NPEPPS: variants seen among roughly 807,000 people sequenced by gnomAD.
NPEPPS encodes the protein puromycin-sensitive aminopeptidase.
NPEPPS carries 14 observed loss-of-function variants against 115.5 expected under a neutral mutation model. That is an observed-to-expected ratio of 0.12 (90% CI 0.08 to 0.19). The LOEUF is 0.19. Ranked by LOEUF, NPEPPS falls within the 10% of genes least tolerant of loss-of-function variation. NPEPPS has a pLI of 1.00. For synonymous variants in NPEPPS, 285 were observed against 390.6 expected (o/e 0.73, Z 3.19); for missense variants, 523 against 1,110.8 (o/e 0.47, Z 7.52).
At chr17:47,612,432 CT>C in intron 17 of NPEPPS, 27 bp from the exon 18 acceptor site, 2 of 1,611,416 alleles carry the variant, frequency 1.2e-6, no homozygotes, top group Non-Finnish European at 1.7e-6. Flanking sequence ...TTTAAGTAGT[CT>C]TATGTCTCTT....
intron 2 of NPEPPS, among the ~76,000 whole-genome samples, chr17:47,561,773 T>C (rs1326765743): frequency 6.6e-6 from 1 of 152,254 alleles, no homozygotes; most frequent in Non-Finnish European, 1.5e-5. Context: ...CTTGTCTGAT[T>C]GGAGGTCATA....
At chr17:47,530,834 G>C (rs965596359), upstream of NPEPPS, among the ~76,000 whole-genome samples, 10 of 151,866 alleles carry the variant, frequency 6.6e-5, no homozygotes, top group Non-Finnish European at 1.2e-4. Context: ...GACCAACTGC[G>C]TAGGCTTCAA....
rs1914378334 is a variant in NPEPPS at position 47,619,015 on chromosome 17, G to A, written c.2410G>A (p.Val804Ile). The A allele has an allele frequency of 6.2e-7, 1 of 1,611,852 alleles. No homozygotes were observed. The highest frequency in any genetic ancestry group is 8.5e-7 in the Non-Finnish European group (1 of 1,179,108). ...GCTCTCTTTCTTTTTTTAGGAAGAG[G>A]TACGTCCACAGGACACTGTATCGGT... ...KVLTFALSEE[V>I]RPQDTVSVIG... Residue 804 changes from valine to isoleucine, a missense_variant, in exon 21 of 23, where the codon GTA becomes ATA. Val to Ile is a conservative substitution (Grantham distance 29, BLOSUM62 3). Coordinates refer to ENST00000322157, the MANE Select transcript of NPEPPS (RefSeq NM_006310.4).
At chr17:47,597,139 A>G (rs1912930753) in intron 13 of NPEPPS, among the ~76,000 whole-genome samples, 1 of 150,836 alleles carries the variant, frequency 6.6e-6, no homozygotes, top group South Asian at 2.1e-4. Flanking sequence ...AGATGTAGAA[A>G]AAACATTTGG....
intron 19 of NPEPPS, among the ~76,000 whole-genome samples, chr17:47,614,908 C>G (rs1914092290): frequency 6.6e-6 from 1 of 152,134 alleles, no homozygotes; most frequent in South Asian, 2.1e-4. Flanking sequence ...ATCAGCTTCA[C>G]TGTAGAAATA....
rs374559750 is a variant in NPEPPS, at chr17:47,573,586, G to A, written c.418+4092G>A. 6.2e-4 allele frequency among the ~76,000 whole-genome samples: 95 copies of A among 152,322 alleles called. 1 individual carries two copies. Among genetic ancestry groups the A allele is most frequent in the Admixed American group, 6.5e-4 (10 of 15,296 alleles). On this transcript the variant is annotated intron_variant, in intron 3 of 22. Coordinates refer to ENST00000322157, the MANE Select transcript of NPEPPS (RefSeq NM_006310.4). ...AAAAATGAAGAAATAGGCCATGGTCGTGGCTCATGCCTGTAATCCCAACAC... is the reference window on the plus strand; with the variant it reads ...AAAAATGAAGAAATAGGCCATGGTCATGGCTCATGCCTGTAATCCCAACAC...
upstream of NPEPPS, among the ~76,000 whole-genome samples, chr17:47,530,781 T>C (rs1366810559): frequency 6.6e-6 from 1 of 152,186 alleles, no homozygotes; most frequent in Non-Finnish European, 1.5e-5. Flanking sequence ...GTTTGGGGTT[T>C]TGCTTGTAAC....
chr17:47,599,017 T>C (rs529189374), intron 13 of NPEPPS, among the ~76,000 whole-genome samples: 1 of 152,152 alleles, frequency 6.6e-6, no homozygotes, highest in Non-Finnish European at 1.5e-5. Flanking sequence ...AAAAATATAT[T>C]AATGAAATTA....
chr17:47,524,254 A>C (rs1907335189), intron 1 of NPEPPS, among the ~76,000 whole-genome samples: 1 of 151,380 alleles, frequency 6.6e-6, no homozygotes, highest in Non-Finnish European at 1.5e-5. Flanking sequence ...GGTTGTAGTG[A>C]GCCAAGATTG....
At chr17:47,602,889 T>A (rs1913303293) in intron 15 of NPEPPS, among the ~76,000 whole-genome samples, 1 of 152,062 alleles carries the variant, frequency 6.6e-6, no homozygotes, top group Non-Finnish European at 1.5e-5. Context: ...GATTATGTTG[T>A]AGCAATATGA....
At chr17:47,552,281 C>T (rs1263332621) in intron 2 of NPEPPS, among the ~76,000 whole-genome samples, 1 of 152,112 alleles carries the variant, frequency 6.6e-6, no homozygotes, top group Non-Finnish European at 1.5e-5. Flanking sequence ...GATTTCTATG[C>T]TTATCTGTGA....
chr17:47,599,812 A>G, intron 14 of NPEPPS, 73 bp downstream of exon 14: 1 of 1,252,150 alleles, frequency 8.0e-7, no homozygotes, highest in South Asian at 1.4e-5. Flanking sequence ...TATTCCAACT[A>G]ATAGGAAATT....
At position 47,531,206 on chromosome 17, in the gene NPEPPS, C is replaced by T. The variant is rs1396153788; in HGVS notation, c.-95C>T. 7.0e-7 allele frequency: 1 copy of T among 1,428,318 alleles called. No homozygotes were observed. Among genetic ancestry groups the T allele is most frequent in the Non-Finnish European group, 9.1e-7 (1 of 1,095,194 alleles). 88.5% of individuals were successfully genotyped at this position (1,428,318 alleles called of 1,614,324 possible). ...CCCGCCCGCCAGTCCGCCCGCACCG[C>T]CTCCTTCCCAGCCCCTAGCGCTCCG... On this transcript the variant is annotated 5_prime_UTR_variant, in exon 1 of 23. Coordinates refer to ENST00000322157, the MANE Select transcript of NPEPPS (RefSeq NM_006310.4).
Position 47,584,507 on chromosome 17 carries a change from A to C in NPEPPS, c.649-993A>C, listed in dbSNP as rs181467591. Among the ~76,000 whole-genome samples the C allele has an allele frequency of 7.6e-4, 115 of 152,312 alleles. 2 individuals are homozygous for C. The East Asian group carries it at 0.021, about 28-fold the overall frequency. The stretch of plus-strand genomic sequence containing the variant: ...TTTTATGTATTTATTGGGGGAGAGC[A>C]TCCCATAAATAGAATGTCATTCTCT... On this transcript the variant is annotated intron_variant, in intron 5 of 22. Coordinates refer to ENST00000322157, the MANE Select transcript of NPEPPS (RefSeq NM_006310.4).
intron 17 of NPEPPS, among the ~76,000 whole-genome samples, chr17:47,610,843 CTCTTTTTTTTTTTTT>C (rs1913814189): frequency 9.2e-6 from 1 of 108,226 alleles, no homozygotes; most frequent in Non-Finnish European, 1.9e-5. Context: ...CATATGATGA[CTCTTTTTTTTTTTTT>C]TTTTTTTTTT....
intron 5 of NPEPPS, among the ~76,000 whole-genome samples, chr17:47,583,731 AT>A (rs1912023936): frequency 6.6e-6 from 1 of 152,112 alleles, no homozygotes; most frequent in Non-Finnish European, 1.5e-5. Context: ...TCTGGGCAAC[AT>A]AGTGAGACCT....
chr17:47,588,009 T>G (rs1912294619), intron 9 of NPEPPS, among the ~76,000 whole-genome samples: 1 of 151,570 alleles, frequency 6.6e-6, no homozygotes, highest in Non-Finnish European at 1.5e-5. Context: ...CAGGATTTAA[T>G]AAGTGAACTA....
chr17:47,594,273 T>A (rs1231306799), intron 12 of NPEPPS, among the ~76,000 whole-genome samples: 1 of 152,250 alleles, frequency 6.6e-6, no homozygotes, highest in Non-Finnish European at 1.5e-5. Flanking sequence ...CTACTATAGA[T>A]ATTATAAATA....
At chr17:47,603,891 A>T in intron 15 of NPEPPS, 24 bp from the exon 16 acceptor site, 1 of 1,583,998 alleles carries the variant, frequency 6.3e-7, no homozygotes, top group South Asian at 1.1e-5. Flanking sequence ...GCTGTTTAAT[A>T]GTACTTACTG....
Sources: gnomAD v4.1 joint callset for allele counts (sites outside exome capture counted in the v4.1 genomes callset) on GRCh38, gnomAD v4.1.1 for gene constraint, MANE v1.5 for transcripts, NCBI Gene and HGNC (gene_info 2026-07-23, HGNC 2026-07-21) for gene names.